ATM: variants seen among roughly 807,000 people sequenced by gnomAD.
ATM encodes the protein serine-protein kinase ATM.
ATM carries 308 observed loss-of-function variants against 387.0 expected under a neutral mutation model. The observed-to-expected ratio is 0.80, with a 90% CI of 0.73 to 0.87. The LOEUF (loss-of-function observed/expected upper bound fraction) is 0.87. Among genes scored for constraint, ATM ranks in the 40% least tolerant of loss-of-function variants. The pLI, the probability that ATM is intolerant of heterozygous loss-of-function variation, is 0.00. For missense variants in ATM, 3,312 were observed against 3,560.9 expected, an observed-to-expected ratio of 0.93 and a Z score of 1.78; for synonymous variants, 1,156 against 1,187.3, an observed-to-expected ratio of 0.97 and a Z score of 0.54.
chr11:108,266,864 CA>C (rs1217072194), intron 16 of ATM, among the ~76,000 whole-genome samples: 1 of 148,002 alleles, frequency 6.8e-6, no homozygotes, highest in East Asian at 2.0e-4. Flanking sequence ...GGCATGATCT[CA>C]GCTCACTGCA....
At chr11:108,280,028 A>G (rs2082150376) in intron 23 of ATM, among the ~76,000 whole-genome samples, 1 of 152,212 alleles carries the variant, frequency 6.6e-6, no homozygotes, top group Non-Finnish European at 1.5e-5. Flanking sequence ...ACGTTTCTGT[A>G]GAATAATATA....
intron 61 of ATM, among the ~76,000 whole-genome samples, chr11:108,356,540 TAA>T (rs374615780): frequency 6.5e-4 from 64 of 97,748 alleles, no homozygotes; most frequent in African/African-American, 7.3e-4. Context: ...CTGTCTGTCT[TAA>T]AAAAAAAAAA....
Position 108,294,900 on chromosome 11 carries a change from A to G in ATM, c.4777-27A>G, listed in dbSNP as rs766101886. On this transcript the variant is annotated intron_variant, in intron 31 of 62. Transcript: ENST00000675843. The stretch of plus-strand genomic sequence containing the variant: ...TTCACAGGCTTAACCAATACGTGTT[A>G]AAAGCAAGTTACATTTTCTCTTTTA... 16 of 1,612,720 alleles carry G rather than the reference A, an allele frequency of 9.9e-6. No homozygotes were observed. In the African/African-American group the frequency reaches 1.2e-4, roughly 12 times the overall value.
At chr11:108,260,835 A>G (rs1361560049) in intron 16 of ATM, among the ~76,000 whole-genome samples, 1 of 152,214 alleles carries the variant, frequency 6.6e-6, no homozygotes, top group Non-Finnish European at 1.5e-5. Flanking sequence ...CAGGAAGTGC[A>G]AGGGGTCAGG....
chr11:108,270,301 T>C (rs2081503360), intron 18 of ATM, among the ~76,000 whole-genome samples: 1 of 152,206 alleles, frequency 6.6e-6, no homozygotes, highest in South Asian at 2.1e-4. Flanking sequence ...AATTCATTAA[T>C]AGTTTTCAAC....
intron 1 of ATM, chr11:108,224,559 T>C (rs1015430397): frequency 1.3e-5 from 2 of 152,260 alleles, no homozygotes; most frequent in African/African-American, 4.8e-5. Context: ...CTCTGCCTTC[T>C]TTCAGTTCCG....
At chr11:108,234,872 A>G (rs551241027) in intron 4 of ATM, among the ~76,000 whole-genome samples, 1 of 151,578 alleles carries the variant, frequency 6.6e-6, no homozygotes, top group Non-Finnish European at 1.5e-5. Flanking sequence ...AGGTGTTTGT[A>G]TGCCATAAAT....
In ATM at chr11:108,271,288, T is replaced by C. The variant is rs1305059653; in HGVS notation, c.2959T>C (p.Cys987Arg). Residue 987 changes from cysteine to arginine, a missense_variant, in exon 20 of 63, where the codon TGT (cysteine) becomes CGT (arginine). Around this residue, in one of 4 missense-constraint regions of ATM, gnomAD observed 1,791 missense variants for 1,804.5 expected, o/e 0.99. Transcript: ENST00000675843. The stretch of plus-strand genomic sequence containing the variant: ...TTTGTATCGTCGTGACCAAGATGTT[T>C]GTAAAACTATTTTAAACCATGTCCT... ...CSLYRRDQDV[C>R]KTILNHVLHV... 6.2e-7 allele frequency: 1 copy of C among 1,614,076 alleles called. No individual in the cohort carries two copies.
Position 108,307,891 on chromosome 11 carries a change from TGTCAGA to T in ATM, c.5677_5682del (p.Ser1893_Glu1894del). On this transcript the variant is annotated splice_acceptor_variant and splice_polypyrimidine_tract_variant and coding_sequence_variant and intron_variant, in exon 38 of 63. Transcript: ENST00000675843. LOFTEE classifies it high-confidence loss of function. The stretch of plus-strand genomic sequence containing the variant: ...GGGACTGAGGGGAGATATTTTTGTT[TGTCAGA>T]GTCAGAGCACTTTTTCCGATGCTGT... The T allele has an allele frequency of 6.2e-7, 1 of 1,610,906 alleles. No homozygotes were observed.
At chr11:108,252,775 G>A (rs2135351689) in intron 11 of ATM, 42 bp from the exon 12 acceptor site, 1 of 1,330,068 alleles carries the variant, frequency 7.5e-7, no homozygotes, top group Non-Finnish European at 1.1e-6. Flanking sequence ...TCTTTACATG[G>A]CTTTTGGTCT....
chr11:108,317,962 T>A (rs1036194445), intron 43 of ATM, among the ~76,000 whole-genome samples: 1 of 152,120 alleles, frequency 6.6e-6, no homozygotes, highest in African/African-American at 2.4e-5. Context: ...GCATTCCTCT[T>A]TCTACTTCCT....
At chr11:108,308,225 A>T (rs1366508182) in intron 38 of ATM, among the ~76,000 whole-genome samples, 2 of 152,234 alleles carry the variant, frequency 1.3e-5, no homozygotes, top group Non-Finnish European at 2.9e-5. Flanking sequence ...TTGTTAAATT[A>T]TGCAGCCTTC....
At chr11:108,246,411 T>C (rs2079849999) in intron 7 of ATM, among the ~76,000 whole-genome samples, 1 of 152,192 alleles carries the variant, frequency 6.6e-6, no homozygotes, top group African/African-American at 2.4e-5. Context: ...ACTACTTTAA[T>C]AGATTTTGTA....
chr11:108,295,294 T>G (rs1311664019), intron 32 of ATM: 3 of 489,146 alleles, frequency 6.1e-6, no homozygotes, highest in Admixed American at 7.3e-5. Flanking sequence ...AATATGATCA[T>G]GTTTTTCTAC....
chr11:108,355,040 A>G (rs576467908), intron 61 of ATM, 166 bp downstream of exon 61: 257 of 633,888 alleles, frequency 4.1e-4, no homozygotes, highest in South Asian at 2.2e-3. Context: ...CACACATCCA[A>G]AAATACTGGT....
chr11:108,318,275 T>C (rs1369052600), intron 43 of ATM, among the ~76,000 whole-genome samples: 1 of 151,926 alleles, frequency 6.6e-6, no homozygotes, highest in East Asian at 1.9e-4. Flanking sequence ...GGCAGGAGAA[T>C]TGCTAGAACA....
In ATM at chr11:108,365,356, G is replaced by T. The variant is rs876660382; in HGVS notation, c.9019G>T (p.Glu3007Ter). ...DIDQSFNKVA[E>*]RVLMRLQEKL... ...TGACCAGAGTTTCAACAAAGTAGCT[G>T]AACGTGTCTTAATGAGACTACAAGA... The change falls in exon 63 of 63, where the codon GAA becomes TAA. Residue 3007 changes from glutamate to a stop codon, truncating the protein, a stop_gained. Transcript: ENST00000675843. LOFTEE classifies it high-confidence loss of function. The T allele has an allele frequency of 6.2e-7, 1 of 1,614,142 alleles. No individual in the cohort carries two copies. The highest frequency in any genetic ancestry group is 8.5e-7 in the Non-Finnish European group (1 of 1,180,034).
At chr11:108,313,183 CTTTG>C (rs1419091390) in intron 40 of ATM, among the ~76,000 whole-genome samples, 1 of 152,184 alleles carries the variant, frequency 6.6e-6, no homozygotes, top group Non-Finnish European at 1.5e-5. Flanking sequence ...TCTTCCTGTG[CTTTG>C]TTTTTTTATC....
In ATM at chr11:108,365,378, A is replaced by G. The variant is rs1064793579; in HGVS notation, c.9041A>G (p.Gln3014Arg). 1.2e-6 allele frequency: 2 copies of G among 1,614,058 alleles called. No homozygotes were observed. The highest frequency in any genetic ancestry group is 1.7e-6 in the Non-Finnish European group (2 of 1,180,038). Residue 3014 changes from glutamine to arginine, a missense_variant, in exon 63 of 63, where the codon CAA becomes CGA. Physicochemically the swap from Gln to Arg is conservative, Grantham distance 43 (BLOSUM62 1). Around this residue, in one of 4 missense-constraint regions of ATM, gnomAD observed 95 missense variants for 100.3 expected, o/e 0.95. Transcript: ENST00000675843. ...KVAERVLMRL[Q>R]EKLKGVEEGT... ...GCTGAACGTGTCTTAATGAGACTACAAGAGAAACTGAAAGGAGTGGAAGAA... is the reference window on the plus strand; with the variant it reads ...GCTGAACGTGTCTTAATGAGACTACGAGAGAAACTGAAAGGAGTGGAAGAA...
Sources: allele counts gnomAD v4.1 joint callset (sites outside exome capture counted in the v4.1 genomes callset), GRCh38; gene constraint gnomAD v4.1.1; regional missense constraint gnomAD v4.1.1; transcripts MANE v1.5; gene names NCBI Gene and HGNC (gene_info 2026-07-23, HGNC 2026-07-21).